The following HS6ST2 variants were observed in gnomAD, a reference collection of about 807,000 sequenced individuals.
HS6ST2 encodes heparan sulfate 6-O-sulfotransferase 2.
A neutral mutation model predicts 33.0 loss-of-function variants in HS6ST2; 17 were observed. The ratio of observed to expected loss-of-function variants is 0.52; its 90% CI spans 0.35 to 0.77. The LOEUF is 0.77. Ranked by LOEUF, HS6ST2 falls within the 30% of genes least tolerant of loss-of-function variation. The pLI, the probability that HS6ST2 is intolerant of heterozygous loss-of-function variation, is 0.01. For synonymous variants in HS6ST2, 248 were observed against 237.1 expected (o/e 1.05, Z -0.42); for missense variants, 519 against 551.7 (o/e 0.94, Z 0.59).
chrX:132,913,424 C>A lies in HS6ST2; in HGVS notation c.947+43384G>T, dbSNP rs774102305. Reference sequence around the variant, plus strand: ...CAACTGTTAGCACACTGTAACACCCCCTCTGGGGCTTTGAGGTTGTTGGCA... The same window carrying A: ...CAACTGTTAGCACACTGTAACACCCACTCTGGGGCTTTGAGGTTGTTGGCA... On this transcript the variant is annotated intron_variant, in intron 2 of 4. Coordinates refer to ENST00000370833, the MANE Select transcript of HS6ST2 (RefSeq NM_001394073.1). Among the ~76,000 whole-genome samples, 165 of 112,572 alleles carry A rather than the reference C, an allele frequency of 1.5e-3. 2 individuals are homozygous for A. The highest frequency in any genetic ancestry group is 5.1e-3 in the African/African-American group (160 of 31,105).
At chrX:132,909,600 C>T (rs949012683) in intron 2 of HS6ST2, among the ~76,000 whole-genome samples, 2 of 111,452 alleles carry the variant, frequency 1.8e-5, no homozygotes, top group Admixed American at 9.5e-5. Flanking sequence ...GAGGAAGGTA[C>T]GGAGGAAGGG....
chrX:132,668,407 A>C (rs2063826685), intron 4 of HS6ST2: 1 of 110,886 alleles, frequency 9.0e-6, no homozygotes, highest in Non-Finnish European at 1.9e-5. Flanking sequence ...GTGTCTAATT[A>C]GAGGTATGTC....
chrX:132,950,647 C>A (rs1328328905), intron 2 of HS6ST2, among the ~76,000 whole-genome samples: 3 of 111,786 alleles, frequency 2.7e-5, no homozygotes, highest in African/African-American at 6.5e-5. Context: ...TCCATGTCTG[C>A]AAACTAGTTG....
chrX:132,955,842 A>G (rs1368074419), intron 2 of HS6ST2, among the ~76,000 whole-genome samples: 2 of 112,902 alleles, frequency 1.8e-5, no homozygotes, highest in Non-Finnish European at 3.7e-5. Context: ...TTCTGGCTAC[A>G]GACTATTAAT....
chrX:132,647,413 G>A (rs2063654539), intron 4 of HS6ST2, among the ~76,000 whole-genome samples: 1 of 111,582 alleles, frequency 9.0e-6, no homozygotes, highest in Non-Finnish European at 1.9e-5. Flanking sequence ...GGCCAGATCA[G>A]CTGAAATAAG....
chrX:132,772,999 A>G (rs1452320039), intron 2 of HS6ST2, among the ~76,000 whole-genome samples: 12 of 91,021 alleles, frequency 1.3e-4, no homozygotes, highest in African/African-American at 4.7e-4. Flanking sequence ...ATATTTATAT[A>G]TTTATGTAAA....
chrX:132,654,318 A>G (rs915024760), intron 4 of HS6ST2, among the ~76,000 whole-genome samples: 2 of 111,317 alleles, frequency 1.8e-5, no homozygotes, highest in Non-Finnish European at 3.8e-5. Context: ...TATGTCAATC[A>G]TACTTCAATC....
intron 2 of HS6ST2, among the ~76,000 whole-genome samples, chrX:132,847,098 A>G (rs2065757820): frequency 9.0e-6 from 1 of 111,616 alleles, no homozygotes; most frequent in Non-Finnish European, 1.9e-5. Context: ...GTCTTGAAAC[A>G]CTACAGCTGT....
chrX:132,628,034 T>G lies in HS6ST2; in HGVS notation c.*189A>C. 6.4e-5 allele frequency: 21 copies of G among 328,354 alleles called. No homozygotes were observed. The highest frequency in any genetic ancestry group is 1.3e-4 in the East Asian group (3 of 22,574). The allele number at this position is 328,354 out of a possible 1,213,427, so 27.1% of individuals were successfully genotyped here. ...CCAAAAAGACAATTTAATTCCATAT[T>G]GAGATTTGTTTTACCTACACACAGT... is the stretch of plus-strand genomic sequence containing the variant. On this transcript the variant is annotated 3_prime_UTR_variant, in exon 5 of 5. Transcript: ENST00000370833.
At chrX:132,709,149 G>C (rs2064208962) in intron 2 of HS6ST2, among the ~76,000 whole-genome samples, 2 of 112,000 alleles carry the variant, frequency 1.8e-5, no homozygotes, top group African/African-American at 3.2e-5. Context: ...TGTCTTAAGG[G>C]TCACAAAACA....
At chrX:132,693,838 G>A (rs987241390) in intron 3 of HS6ST2, among the ~76,000 whole-genome samples, 2 of 111,387 alleles carry the variant, frequency 1.8e-5, no homozygotes, top group African/African-American at 3.3e-5. Flanking sequence ...AAGACACTGA[G>A]GATGGTCTCA....
intron 2 of HS6ST2, among the ~76,000 whole-genome samples, chrX:132,859,908 G>GAA (rs2065894293): frequency 1.2e-5 from 1 of 85,382 alleles, no homozygotes; most frequent in South Asian, 8.7e-4. Flanking sequence ...AGGGAAAAGA[G>GAA]AAAGGCAAGC....
At chrX:132,793,925 G>A (rs764230314) in intron 2 of HS6ST2, among the ~76,000 whole-genome samples, 3 of 112,009 alleles carry the variant, frequency 2.7e-5, no homozygotes, top group South Asian at 3.7e-4. Flanking sequence ...CCGTTTTGCC[G>A]GATTCTAGTA....
chrX:132,833,873 C>T (rs1423967805), intron 2 of HS6ST2, among the ~76,000 whole-genome samples: 1 of 110,244 alleles, frequency 9.1e-6, no homozygotes, highest in Non-Finnish European at 1.9e-5. Context: ...CACCCATTAA[C>T]TCCTCATAGG....
intron 2 of HS6ST2, among the ~76,000 whole-genome samples, chrX:132,859,064 T>G (rs1470571325): frequency 1.8e-5 from 2 of 112,237 alleles, no homozygotes; most frequent in Non-Finnish European, 3.8e-5. Context: ...TATATTAGAA[T>G]GTGCTTCCTT....
At chrX:132,657,287 C>T (rs2063737103) in intron 4 of HS6ST2, among the ~76,000 whole-genome samples, 1 of 111,381 alleles carries the variant, frequency 9.0e-6, no homozygotes, top group African/African-American at 3.3e-5. Context: ...TAAGGAAACT[C>T]GTGGCCTCCA....
chrX:132,769,476 CA>C (rs1298225640), intron 2 of HS6ST2, among the ~76,000 whole-genome samples: 2 of 111,966 alleles, frequency 1.8e-5, no homozygotes, highest in African/African-American at 3.2e-5. Flanking sequence ...GAAAGCAGCT[CA>C]GGGGGAAAAG....
At chrX:132,878,234 C>T (rs2066127256) in intron 2 of HS6ST2, among the ~76,000 whole-genome samples, 1 of 111,787 alleles carries the variant, frequency 8.9e-6, no homozygotes, top group Non-Finnish European at 1.9e-5. Flanking sequence ...AGGTTTCCCC[C>T]TCACAATTGA....
chrX:132,930,509 C>T (rs1434956695), intron 2 of HS6ST2, among the ~76,000 whole-genome samples: 1 of 111,205 alleles, frequency 9.0e-6, no homozygotes, highest in African/African-American at 3.3e-5. Flanking sequence ...CTCTCCTCCC[C>T]TGACCAGAGA....
Sources: gnomAD v4.1 joint callset for allele counts (sites outside exome capture counted in the v4.1 genomes callset) on GRCh38, gnomAD v4.1.1 for gene constraint, MANE v1.5 for transcripts, NCBI Gene and HGNC (gene_info 2026-07-23, HGNC 2026-07-21) for gene names.